The following MEF2C variants were observed in gnomAD, a reference collection of about 807,000 sequenced individuals.
MEF2C encodes the protein myocyte enhancer factor 2C.
A neutral mutation model predicts 50.5 loss-of-function variants in MEF2C; 6 were observed. The ratio of observed to expected loss-of-function variants is 0.12; its 90% CI spans 0.07 to 0.23. MEF2C has a LOEUF of 0.23. Among genes scored for constraint, MEF2C ranks in the 10% least tolerant of loss-of-function variants. The pLI is 1.00. For synonymous variants in MEF2C, 183 were observed against 228.0 expected, an observed-to-expected ratio of 0.80 and a Z score of 1.78; for missense variants, 276 against 605.0, an observed-to-expected ratio of 0.46 and a Z score of 5.70.
At chr5:88,807,032 ATTTT>A (rs886333184) in intron 2 of MEF2C, among the ~76,000 whole-genome samples, 1 of 152,178 alleles carries the variant, frequency 6.6e-6, no homozygotes, top group African/African-American at 2.4e-5. Context: ...TTCCCATGAA[ATTTT>A]TTTAACAACT....
intron 2 of MEF2C, among the ~76,000 whole-genome samples, chr5:88,817,413 G>C (rs1242873049): frequency 6.6e-6 from 1 of 151,898 alleles, no homozygotes; most frequent in Non-Finnish European, 1.5e-5. Context: ...CATCTACACT[G>C]AACACATTTT....
chr5:88,783,565 G>A (rs1789290494), intron 3 of MEF2C, among the ~76,000 whole-genome samples: 1 of 152,148 alleles, frequency 6.6e-6, no homozygotes, highest in East Asian at 1.9e-4. Flanking sequence ...GGGAGGTGGA[G>A]GTTGCGGTGA....
At chr5:88,880,524 A>C (rs1208193796) in intron 1 of MEF2C, among the ~76,000 whole-genome samples, 1 of 152,184 alleles carries the variant, frequency 6.6e-6, no homozygotes, top group Non-Finnish European at 1.5e-5. Context: ...AAACAGAAGA[A>C]AGTTTTAAAA....
intron 4 of MEF2C, among the ~76,000 whole-genome samples, chr5:88,757,394 C>T (rs1395761005): frequency 6.6e-6 from 1 of 151,978 alleles, no homozygotes; most frequent in African/African-American, 2.4e-5. Context: ...TTAACCATTA[C>T]CAGCTGCTGG....
chr5:88,772,229 A>G (rs1782698978), intron 3 of MEF2C: 1 of 152,238 alleles, frequency 6.6e-6, no homozygotes, highest in Non-Finnish European at 1.5e-5. Flanking sequence ...TGAGGTTGGC[A>G]ACTGATTGAC....
intron 10 of MEF2C, among the ~76,000 whole-genome samples, chr5:88,723,795 C>T (rs1316110556): frequency 1.3e-5 from 2 of 152,214 alleles, no homozygotes; most frequent in Non-Finnish European, 2.9e-5. Flanking sequence ...CTAAGGAAAG[C>T]TTGTTGCCAA....
intron 1 of MEF2C, among the ~76,000 whole-genome samples, chr5:88,831,930 G>A (rs1436157797): frequency 6.6e-6 from 1 of 151,986 alleles, no homozygotes; most frequent in Non-Finnish European, 1.5e-5. Context: ...GATCCCAACT[G>A]GCCCCAATTA....
At chr5:88,791,730 G>A (rs1208129830) in intron 3 of MEF2C, among the ~76,000 whole-genome samples, 1 of 151,916 alleles carries the variant, frequency 6.6e-6, no homozygotes, top group Non-Finnish European at 1.5e-5. Context: ...AAAAATTTTA[G>A]ACTCATTTCT....
chr5:88,738,264 T>C (rs1475146873), intron 6 of MEF2C: 1 of 985,162 alleles, frequency 1.0e-6, no homozygotes, highest in Non-Finnish European at 1.2e-6. Context: ...ATTGACAATC[T>C]TACCATCCAA....
chr5:88,735,165 G>T (rs1349677665), intron 6 of MEF2C: 1 of 985,384 alleles, frequency 1.0e-6, no homozygotes. Flanking sequence ...AGAAGAGCCT[G>T]CATTTAAACC....
chr5:88,784,757 G>C (rs1364279688), intron 3 of MEF2C, among the ~76,000 whole-genome samples: 2 of 152,074 alleles, frequency 1.3e-5, no homozygotes, highest in East Asian at 3.9e-4. Context: ...CATGTAAAAG[G>C]CTTTGTCCCT....
chr5:88,867,393 T>C (rs1477457386), intron 1 of MEF2C, among the ~76,000 whole-genome samples: 1 of 152,176 alleles, frequency 6.6e-6, no homozygotes, highest in Non-Finnish European at 1.5e-5. Flanking sequence ...AGATTCTAGG[T>C]CTGCCATTAA....
intron 2 of MEF2C, among the ~76,000 whole-genome samples, chr5:88,814,887 GA>G (rs1804616583): frequency 6.6e-6 from 1 of 152,122 alleles, no homozygotes; most frequent in African/African-American, 2.4e-5. Flanking sequence ...TTGTTAACTT[GA>G]TCAGGATATA....
chr5:88,837,265 T>C (rs909343590), intron 1 of MEF2C, among the ~76,000 whole-genome samples: 4 of 152,046 alleles, frequency 2.6e-5, no homozygotes, highest in Non-Finnish European at 2.9e-5. Context: ...GAAAATACAA[T>C]AGTATTGCTG....
Position 88,834,737 on chromosome 5 carries a change from G to A in MEF2C, c.-142-10807C>T, listed in dbSNP as rs1329961166. On this transcript the variant is annotated intron_variant, in intron 1 of 10. Transcript: ENST00000504921. Reference sequence around the variant, plus strand: ...ACATTATTTGGAGGATGAATACTCCGTCACTGTGCCTGTCACTGGTGGTAC... The same window carrying A: ...ACATTATTTGGAGGATGAATACTCCATCACTGTGCCTGTCACTGGTGGTAC... Among the ~76,000 whole-genome samples, 6 of 152,092 alleles carry A rather than the reference G, an allele frequency of 3.9e-5. No individual in the cohort carries two copies. In the East Asian group the frequency reaches 7.7e-4, roughly 20 times the overall value.
At chr5:88,873,076 C>G (rs555071114) in intron 1 of MEF2C, among the ~76,000 whole-genome samples, 1 of 151,980 alleles carries the variant, frequency 6.6e-6, no homozygotes, top group South Asian at 2.1e-4. Flanking sequence ...CACACTCACA[C>G]CGTTGGAGTT....
At chr5:88,741,454 A>G (rs893888747) in intron 6 of MEF2C, 2 of 985,168 alleles carry the variant, frequency 2.0e-6, no homozygotes, top group African/African-American at 3.5e-5. Flanking sequence ...TGGTTGTTTT[A>G]TTTTTTTGAA....
At chr5:88,895,080 T>C (rs1191379906) in intron 1 of MEF2C, among the ~76,000 whole-genome samples, 1 of 152,230 alleles carries the variant, frequency 6.6e-6, no homozygotes, top group Non-Finnish European at 1.5e-5. Context: ...CAATAAATGT[T>C]AGCTATTATA....
chr5:88,849,647 T>C (rs2153377190), intron 1 of MEF2C, among the ~76,000 whole-genome samples: 1 of 152,346 alleles, frequency 6.6e-6, no homozygotes, highest in East Asian at 1.9e-4. Context: ...TAAGAAATTA[T>C]CTATCGTTAA....
Sources: gnomAD v4.1 joint callset for allele counts (sites outside exome capture counted in the v4.1 genomes callset) on GRCh38, gnomAD v4.1.1 for gene constraint, MANE v1.5 for transcripts, NCBI Gene and HGNC (gene_info 2026-07-23, HGNC 2026-07-21) for gene names.